Variants in MCF2L2 observed in about 807,000 individuals in gnomAD.
MCF2L2 encodes MCF.2 cell line derived transforming sequence-like 2.
Under a neutral mutation model 150.2 loss-of-function variants are expected in MCF2L2, and 102 were observed. The ratio of observed to expected loss-of-function variants is 0.68; its 90% CI spans 0.58 to 0.80. The LOEUF (loss-of-function observed/expected upper bound fraction) is 0.80, where lower values mean the gene tolerates loss of function less well. Ranked by LOEUF, MCF2L2 falls within the 30% of genes least tolerant of loss-of-function variation. MCF2L2 has a pLI of 0.00. For synonymous variants in MCF2L2, 465 were observed against 491.3 expected (o/e 0.95, Z 0.71); for missense variants, 1,256 against 1,372.8 (o/e 0.91, Z 1.34).
chr3:183,227,322 G>A lies in MCF2L2; in HGVS notation c.2115+975C>T, dbSNP rs1163692704. 3.9e-5 allele frequency: 6 copies of A among 152,172 alleles called. No individual in the cohort carries two copies. The highest frequency in any genetic ancestry group is 1.4e-4 in the African/African-American group (6 of 41,426). 9.4% of individuals were successfully genotyped at this position (152,172 alleles called of 1,614,324 possible). ...TATAGCCTATTTGTTGCCTAAAACA[G>A]GGTGGAGAAACAGGGAAAGAGGGAA... On this transcript the variant is annotated intron_variant, in intron 18 of 29. Transcript: ENST00000328913. The surrounding 1 kb of genome is among the most constrained non-coding windows in gnomAD (Gnocchi z 4.0).
intron 11 of MCF2L2, chr3:183,298,437 T>C (rs1728650332): frequency 6.6e-6 from 1 of 152,226 alleles, no homozygotes; most frequent in Non-Finnish European, 1.5e-5. Context: ...GTTTTTGTCT[T>C]ATTTTTTTCC....
chr3:183,286,696 C>T (rs545844961), intron 14 of MCF2L2, among the ~76,000 whole-genome samples: 1 of 152,298 alleles, frequency 6.6e-6, no homozygotes, highest in African/African-American at 2.4e-5. Flanking sequence ...GTGCACAAAT[C>T]CACTTTCTTC....
intron 2 of MCF2L2, among the ~76,000 whole-genome samples, chr3:183,388,935 A>C (rs906028297): frequency 6.6e-6 from 1 of 152,232 alleles, no homozygotes; most frequent in African/African-American, 2.4e-5. Flanking sequence ...GATGTAACTA[A>C]GATGGCTTTG....
chr3:183,251,056 G>A (rs1447727667), intron 15 of MCF2L2, among the ~76,000 whole-genome samples: 1 of 152,212 alleles, frequency 6.6e-6, no homozygotes, highest in Non-Finnish European at 1.5e-5. Flanking sequence ...ATCCTGTGTA[G>A]GAAGCCAGGT....
chr3:183,377,955 C>G (rs1410300430), intron 3 of MCF2L2: 6 of 152,142 alleles, frequency 3.9e-5, no homozygotes, highest in Non-Finnish European at 5.9e-5. Context: ...TATTTAAGTA[C>G]TAACTTTGAA....
chr3:183,293,477 A>G (rs905768329), intron 13 of MCF2L2, among the ~76,000 whole-genome samples: 3 of 152,222 alleles, frequency 2.0e-5, no homozygotes, highest in Non-Finnish European at 4.4e-5. Flanking sequence ...AAGAAAAACC[A>G]TATCATTCTC....
chr3:183,330,342 T>C (rs1730222074), intron 5 of MCF2L2, among the ~76,000 whole-genome samples: 1 of 143,902 alleles, frequency 6.9e-6, no homozygotes, highest in Non-Finnish European at 1.5e-5. Flanking sequence ...AAAAATAGAG[T>C]TTTATAATTT....
chr3:183,309,044 C>T, intron 10 of MCF2L2, among the ~76,000 whole-genome samples: 1 of 152,206 alleles, frequency 6.6e-6, no homozygotes, highest in East Asian at 1.9e-4. Flanking sequence ...AATCTGTAAA[C>T]ACTTAAAATG....
chr3:183,425,420 C>A (rs1180498951), intron 1 of MCF2L2, among the ~76,000 whole-genome samples: 1 of 151,254 alleles, frequency 6.6e-6, no homozygotes, highest in African/African-American at 2.4e-5. Context: ...CAAAGCCTTG[C>A]TCCAAGCACC....
At chr3:183,264,723 C>T (rs1271914552) in intron 15 of MCF2L2, among the ~76,000 whole-genome samples, 1 of 152,174 alleles carries the variant, frequency 6.6e-6, no homozygotes, top group Admixed American at 6.5e-5. Context: ...AATGAGTTGA[C>T]AGCAGGGGTA....
chr3:183,215,087 C>T (rs900379183), intron 22 of MCF2L2, among the ~76,000 whole-genome samples: 3 of 151,998 alleles, frequency 2.0e-5, no homozygotes, highest in African/African-American at 4.8e-5. Flanking sequence ...AGCCATGGAG[C>T]GTGGGTGGCC....
chr3:183,351,190 GTATATATATATATATATA>G lies in MCF2L2; in HGVS notation c.276-9578_276-9561del, dbSNP rs60311053. Among the ~76,000 whole-genome samples, 118 of 38,846 alleles carry G rather than the reference GTATATATATATATATATA, an allele frequency of 3.0e-3. 2 individuals carry two copies. The highest frequency in any genetic ancestry group is 4.6e-3 in the East Asian group (5 of 1,086). 25.5% of individuals were successfully genotyped at this position (38,846 alleles called of 152,430 possible). ...GTGTGTGTGATATTTATTTTCTTAA[GTATATATATATATATATA>G]TATATATATATATATATATATATAT... On this transcript the variant is annotated intron_variant, in intron 3 of 29. Transcript: ENST00000328913.
chr3:183,242,543 T>G (rs1263824037), intron 15 of MCF2L2, among the ~76,000 whole-genome samples: 1 of 152,240 alleles, frequency 6.6e-6, no homozygotes, highest in African/African-American at 2.4e-5. Context: ...CCTTGGTGGC[T>G]TACACGTAGT....
At chr3:183,306,207 A>G (rs1011688657) in intron 10 of MCF2L2, among the ~76,000 whole-genome samples, 9 of 152,206 alleles carry the variant, frequency 5.9e-5, no homozygotes, top group Admixed American at 1.3e-4. Context: ...CCTGGCCTCT[A>G]CACATGTGCT....
intron 3 of MCF2L2, among the ~76,000 whole-genome samples, chr3:183,370,832 A>C (rs1712831155): frequency 6.6e-6 from 1 of 152,198 alleles, no homozygotes; most frequent in Non-Finnish European, 1.5e-5. Flanking sequence ...AAAACCAAGG[A>C]GTGCCTTCTG....
chr3:183,327,670 G>GAATAAATAT (rs1730107190), intron 5 of MCF2L2, among the ~76,000 whole-genome samples: 1 of 152,130 alleles, frequency 6.6e-6, no homozygotes, highest in African/African-American at 2.4e-5. Flanking sequence ...CCCTGTTCCT[G>GAATAAATAT]AATAAATATT....
intron 1 of MCF2L2, among the ~76,000 whole-genome samples, chr3:183,406,176 C>T (rs1294241835): frequency 6.6e-6 from 1 of 152,222 alleles, no homozygotes; most frequent in Non-Finnish European, 1.5e-5. Flanking sequence ...TGTTTTCCAA[C>T]ATGGCTGTAC....
At chr3:183,246,470 G>A (rs1271211295) in intron 15 of MCF2L2, among the ~76,000 whole-genome samples, 3 of 152,098 alleles carry the variant, frequency 2.0e-5, no homozygotes, top group African/African-American at 4.8e-5. Context: ...CTTATTTCAC[G>A]TAGCGTAATG....
chr3:183,290,183 T>A (rs978182384), intron 13 of MCF2L2, among the ~76,000 whole-genome samples: 1 of 152,094 alleles, frequency 6.6e-6, no homozygotes, highest in East Asian at 1.9e-4. Context: ...CACACATACA[T>A]GTACACACAC....
Sources: gnomAD v4.1 joint callset for allele counts (sites outside exome capture counted in the v4.1 genomes callset) on GRCh38, gnomAD v4.1.1 for gene constraint, Gnocchi (gnomAD v3.1) non-coding constraint, MANE v1.5 for transcripts, NCBI Gene and HGNC (gene_info 2026-07-23, HGNC 2026-07-21) for gene names.